Variants in SPSB1 observed in about 807,000 individuals in gnomAD.
The protein encoded by SPSB1 is SPRY domain-containing SOCS box protein 1.
SPSB1 carries 8 observed loss-of-function variants against 21.2 expected under a neutral mutation model. The ratio of observed to expected loss-of-function variants is 0.38; its 90% confidence interval spans 0.22 to 0.68. The LOEUF is 0.68. Among genes scored for constraint, SPSB1 ranks in the 30% least tolerant of loss-of-function variants. SPSB1 has a pLI of 0.53. For missense variants in SPSB1, 242 were observed against 377.8 expected (o/e 0.64, Z 2.98); for synonymous variants, 169 against 161.7 (o/e 1.05, Z -0.34).
intron 1 of SPSB1, among the ~76,000 whole-genome samples, chr1:9,354,475 C>G (rs1261371970): frequency 6.6e-6 from 1 of 152,022 alleles, no homozygotes; most frequent in Non-Finnish European, 1.5e-5. Context: ...CAAGGAGGTT[C>G]TTGATGGCAG....
intron 1 of SPSB1, among the ~76,000 whole-genome samples, chr1:9,296,933 C>T (rs994223476): frequency 3.9e-5 from 6 of 152,154 alleles, no homozygotes; most frequent in Non-Finnish European, 5.9e-5. Context: ...CATTGCCCAA[C>T]GTTAAAAATA....
intron 1 of SPSB1, chr1:9,339,135 C>T (rs757292587): frequency 1.3e-4 from 112 of 857,414 alleles, no homozygotes; most frequent in Non-Finnish European, 1.5e-4. Flanking sequence ...GACCCTACTG[C>T]GGGGGCTCCG....
At chr1:9,326,855 C>G (rs945106312) in intron 1 of SPSB1, among the ~76,000 whole-genome samples, 1 of 152,236 alleles carries the variant, frequency 6.6e-6, no homozygotes, top group Non-Finnish European at 1.5e-5. Context: ...ACACAAAAAT[C>G]CCCGTGGATG....
chr1:9,352,316 C>A (rs540071205), intron 1 of SPSB1, among the ~76,000 whole-genome samples: 2 of 152,282 alleles, frequency 1.3e-5, no homozygotes, highest in Admixed American at 6.5e-5. Context: ...CTCTGGGGAT[C>A]CCCCGCTCCC....
At chr1:9,314,029 A>G (rs1318829332) in intron 1 of SPSB1, among the ~76,000 whole-genome samples, 1 of 152,128 alleles carries the variant, frequency 6.6e-6, no homozygotes, top group Non-Finnish European at 1.5e-5. Flanking sequence ...TACAAAAATT[A>G]GCCAGGTGTG....
intron 1 of SPSB1, among the ~76,000 whole-genome samples, chr1:9,338,451 C>G (rs1192786989): frequency 6.6e-6 from 1 of 152,208 alleles, no homozygotes; most frequent in African/African-American, 2.4e-5. Flanking sequence ...GTCAGTGTAC[C>G]TAAGGCCACC....
chr1:9,355,589 T>G, intron 1 of SPSB1, 154 bp from the exon 2 acceptor site: 1 of 831,358 alleles, frequency 1.2e-6, no homozygotes, highest in Non-Finnish European at 1.6e-6. Context: ...GGGATTTCAT[T>G]CTGCGCCAAG....
chr1:9,320,482 C>T (rs1025214997), intron 1 of SPSB1, among the ~76,000 whole-genome samples: 3 of 152,324 alleles, frequency 2.0e-5, no homozygotes, highest in South Asian at 2.1e-4. Flanking sequence ...CTGGGAGAAG[C>T]CGTTTCCCTT....
At chr1:9,349,329 G>C (rs1327367357) in intron 1 of SPSB1, among the ~76,000 whole-genome samples, 2 of 152,230 alleles carry the variant, frequency 1.3e-5, no homozygotes. Context: ...GCTCGACTTT[G>C]ATATTGGTGA....
chr1:9,324,923 G>T lies in SPSB1; in HGVS notation c.-149-30820G>T, dbSNP rs996121236. ...TTTCTTGGAAAAGCGAGTGGGGTGG[G>T]GGAGCAGGGACACCCGGCCTGGCGG... On this transcript the variant is annotated intron_variant, in intron 1 of 2. Coordinates refer to ENST00000328089, the MANE Select transcript of SPSB1 (RefSeq NM_025106.4). The surrounding 1 kb of genome is among the most constrained non-coding windows in gnomAD (Gnocchi z 4.3). Among the ~76,000 whole-genome samples, 2 of 152,238 alleles carry T rather than the reference G, an allele frequency of 1.3e-5. No individual in the cohort carries two copies. The highest frequency in any genetic ancestry group is 4.8e-5 in the African/African-American group (2 of 41,476).
intron 1 of SPSB1, among the ~76,000 whole-genome samples, chr1:9,316,107 G>A (rs1260828443): frequency 6.6e-6 from 1 of 152,218 alleles, no homozygotes; most frequent in African/African-American, 2.4e-5. Context: ...CCTGCTGAGG[G>A]CACCACGGTG....
rs567935594 is a variant in SPSB1, at chr1:9,305,065, A to C, written c.-150+11994A>C. On this transcript the variant is annotated intron_variant, in intron 1 of 2. Coordinates refer to ENST00000328089, the MANE Select transcript of SPSB1 (RefSeq NM_025106.4). The surrounding 1 kb of genome is among the most constrained non-coding windows in gnomAD (Gnocchi z 4.8). ...AGACCCATCTGGCATTGCCTTCCCT[A>C]CAGGGGCCTCTCCCACTTCTCCCTC... 6.6e-6 allele frequency among the ~76,000 whole-genome samples: 1 copy of C among 152,164 alleles called. No homozygotes were observed. The highest frequency in any genetic ancestry group is 6.5e-5 in the Admixed American group (1 of 15,308).
intron 1 of SPSB1, among the ~76,000 whole-genome samples, chr1:9,342,299 A>G (rs1640103204): frequency 6.6e-6 from 1 of 152,164 alleles, no homozygotes; most frequent in Non-Finnish European, 1.5e-5. Flanking sequence ...GAATGAAGAA[A>G]TGCAACCCAT....
chr1:9,331,788 C>T (rs181360646), intron 1 of SPSB1, among the ~76,000 whole-genome samples: 222 of 152,318 alleles, frequency 1.5e-3, no homozygotes, highest in African/African-American at 5.2e-3. Flanking sequence ...TGTATTGACT[C>T]TGTAGCAATC....
chr1:9,333,531 ATGT>A lies in SPSB1; in HGVS notation c.-149-22209_-149-22207del, dbSNP rs1322196292. Among the ~76,000 whole-genome samples, 693 of 152,134 alleles carry A rather than the reference ATGT, an allele frequency of 4.6e-3. 4 individuals carry two copies. Among genetic ancestry groups the A allele is most frequent in the African/African-American group, 0.016 (662 of 41,510 alleles). ...TTTTTAGTAGAGACGGGGTTTCGCC[ATGT>A]TGGGCAGGCTGGTCTCGAACTCTTG... On this transcript the variant is annotated intron_variant, in intron 1 of 2. Transcript: ENST00000328089.
rs201125330 is a variant in SPSB1, at chr1:9,325,155, A to AG, written c.-149-30587dup. ...TCTCACTGTAGACTGGGCTTCCCCC[A>AG]GCCGGGGCGCTGGGCATCCAAGAAG... On this transcript the variant is annotated intron_variant, in intron 1 of 2. Transcript: ENST00000328089. 5.7e-3 allele frequency among the ~76,000 whole-genome samples: 863 copies of AG among 151,942 alleles called. 11 individuals carry two copies. The highest frequency in any genetic ancestry group is 0.02 in the African/African-American group (828 of 41,340).
chr1:9,307,066 T>G (rs1230247294), intron 1 of SPSB1, among the ~76,000 whole-genome samples: 1 of 152,022 alleles, frequency 6.6e-6, no homozygotes, highest in Non-Finnish European at 1.5e-5. Flanking sequence ...TAGCTGGGAT[T>G]ACAGGCACGT....
chr1:9,325,225 A>ACCCCCCC (rs33978312), intron 1 of SPSB1, among the ~76,000 whole-genome samples: 2 of 133,714 alleles, frequency 1.5e-5, no homozygotes, highest in African/African-American at 3.4e-5. Context: ...TCCCACCACC[A>ACCCCCCC]CCCCCCCCCC....
intron 1 of SPSB1, among the ~76,000 whole-genome samples, chr1:9,349,548 C>T (rs889299048): frequency 7.9e-5 from 12 of 152,254 alleles, no homozygotes; most frequent in Non-Finnish European, 1.8e-4. Flanking sequence ...ATCTCTGACA[C>T]AAGGCGTGCA....
Sources: allele counts gnomAD v4.1 joint callset (sites outside exome capture counted in the v4.1 genomes callset), GRCh38; gene constraint gnomAD v4.1.1; non-coding constraint Gnocchi (gnomAD v3.1); transcripts MANE v1.5; gene names NCBI Gene and HGNC (gene_info 2026-07-23, HGNC 2026-07-21).